The following TPRG1 variants were observed in gnomAD, a reference collection of about 807,000 sequenced individuals.
TPRG1 encodes the protein tumor protein p63 regulated 1, also known as tumor protein p63-regulated gene 1 protein.
TPRG1 carries 29 observed loss-of-function variants against 29.3 expected under a neutral mutation model. The ratio of observed to expected loss-of-function variants is 0.99; its 90% CI spans 0.74 to 1.35. The LOEUF (loss-of-function observed/expected upper bound fraction) is 1.35. Ranked by LOEUF, TPRG1 falls within the 40% of genes most tolerant of loss-of-function variation. The pLI is 0.00. For missense variants in TPRG1, 327 were observed against 335.0 expected, an observed-to-expected ratio of 0.98 and a Z score of 0.19; for synonymous variants, 130 against 116.8, an observed-to-expected ratio of 1.11 and a Z score of -0.73.
At chr3:189,028,808 T>C (rs1462515735) in intron 4 of TPRG1, among the ~76,000 whole-genome samples, 1 of 152,178 alleles carries the variant, frequency 6.6e-6, no homozygotes, top group Non-Finnish European at 1.5e-5. Flanking sequence ...GGTAGTAATG[T>C]ATTTCTACTG....
chr3:189,052,223 G>T (rs77169041), intron 4 of TPRG1, among the ~76,000 whole-genome samples: 1 of 151,978 alleles, frequency 6.6e-6, no homozygotes, highest in Non-Finnish European at 1.5e-5. Flanking sequence ...ATCCAGAACT[G>T]CAATGAACTC....
At chr3:189,080,348 A>G (rs1247316537) in intron 4 of TPRG1, among the ~76,000 whole-genome samples, 1 of 152,200 alleles carries the variant, frequency 6.6e-6, no homozygotes, top group Non-Finnish European at 1.5e-5. Context: ...TCCAGAGTTC[A>G]GAAGCTGGGA....
chr3:189,218,025 T>C (rs1736332957), intron 3 of TPRG1: 1 of 985,352 alleles, frequency 1.0e-6, no homozygotes, highest in African/African-American at 1.7e-5. Context: ...CAATTACTCC[T>C]GGCTTCTTGC....
At chr3:189,157,192 G>A (rs1726807904) in intron 5 of TPRG1, among the ~76,000 whole-genome samples, 1 of 152,164 alleles carries the variant, frequency 6.6e-6, no homozygotes, top group South Asian at 2.1e-4. Flanking sequence ...ATGCATCTTA[G>A]AGAGAAGCTT....
intron 4 of TPRG1, among the ~76,000 whole-genome samples, chr3:189,082,500 G>A (rs1215854239): frequency 6.6e-6 from 1 of 152,160 alleles, no homozygotes; most frequent in African/African-American, 2.4e-5. Context: ...CCCAACTCTT[G>A]AAGGCTATAG....
chr3:189,126,107 AAGTG>A (rs1451567769), intron 1 of TPRG1, among the ~76,000 whole-genome samples: 6 of 152,106 alleles, frequency 3.9e-5, no homozygotes, highest in African/African-American at 1.4e-4. Context: ...AAAATCCTGG[AAGTG>A]GGACTTTACT....
At chr3:189,295,828 T>G (rs1719822873) in intron 4 of TPRG1, among the ~76,000 whole-genome samples, 1 of 151,852 alleles carries the variant, frequency 6.6e-6, no homozygotes, top group African/African-American at 2.4e-5. Flanking sequence ...TAGAATTAAT[T>G]AGCCACATAG....
chr3:189,231,568 T>C (rs1738658765), intron 3 of TPRG1, among the ~76,000 whole-genome samples: 1 of 152,184 alleles, frequency 6.6e-6, no homozygotes, highest in Non-Finnish European at 1.5e-5. Context: ...CCGTATGTCA[T>C]ATCTCTTTCA....
chr3:189,313,736 T>A (rs982093152), intron 5 of TPRG1, among the ~76,000 whole-genome samples: 2 of 152,122 alleles, frequency 1.3e-5, no homozygotes, highest in Admixed American at 6.5e-5. Flanking sequence ...CCAACAGAAA[T>A]GAGACAAGGT....
At chr3:189,001,969 C>T (rs1051654211) in intron 2 of TPRG1, among the ~76,000 whole-genome samples, 5 of 152,356 alleles carry the variant, frequency 3.3e-5, no homozygotes, top group African/African-American at 1.2e-4. Flanking sequence ...GGAAGGCAGG[C>T]AAACTGCTTA....
At chr3:189,182,722 A>G (rs909480372) in intron 1 of TPRG1, among the ~76,000 whole-genome samples, 4 of 152,214 alleles carry the variant, frequency 2.6e-5, no homozygotes, top group Admixed American at 2.0e-4. Context: ...TGAATAATTA[A>G]CAATAGAAAG....
At chr3:189,026,303 C>A (rs531114393) in intron 4 of TPRG1, among the ~76,000 whole-genome samples, 1 of 152,232 alleles carries the variant, frequency 6.6e-6, no homozygotes, top group South Asian at 2.1e-4. Context: ...GCTCTGGTGT[C>A]TCTTCTTCTT....
intron 1 of TPRG1, among the ~76,000 whole-genome samples, chr3:189,118,608 A>G (rs770776538): frequency 2.6e-4 from 40 of 152,172 alleles, no homozygotes; most frequent in Non-Finnish European, 4.9e-4. Context: ...CAGCCTTGAA[A>G]CATGGTGCTC....
At chr3:189,269,546 G>C (rs1269790417) in intron 4 of TPRG1, among the ~76,000 whole-genome samples, 1 of 152,132 alleles carries the variant, frequency 6.6e-6, no homozygotes, top group Non-Finnish European at 1.5e-5. Context: ...CTCATCTGGA[G>C]GAATGGCATG....
chr3:189,094,877 C>T (rs967581470), intron 4 of TPRG1, among the ~76,000 whole-genome samples: 2 of 152,172 alleles, frequency 1.3e-5, no homozygotes, highest in African/African-American at 4.8e-5. Context: ...TTCCTCCTTG[C>T]TCTGGTCGAG....
chr3:189,215,083 C>T (rs1735860456), intron 2 of TPRG1, among the ~76,000 whole-genome samples: 1 of 151,868 alleles, frequency 6.6e-6, no homozygotes, highest in Non-Finnish European at 1.5e-5. Flanking sequence ...GAAGATGGGG[C>T]CTAGATCACT....
intron 1 of TPRG1, among the ~76,000 whole-genome samples, chr3:189,125,107 A>G (rs1722297149): frequency 6.6e-6 from 1 of 152,184 alleles, no homozygotes; most frequent in East Asian, 1.9e-4. Context: ...TTTCTAGGCA[A>G]CTACATAAAA....
At chr3:189,062,546 A>G (rs1443614153) in intron 4 of TPRG1, among the ~76,000 whole-genome samples, 3 of 152,138 alleles carry the variant, frequency 2.0e-5, no homozygotes, top group Admixed American at 6.6e-5. Flanking sequence ...CCTTCCCCTC[A>G]TGAGTTTTAT....
chr3:189,062,506 G>C (rs1356422621), intron 4 of TPRG1, among the ~76,000 whole-genome samples: 1 of 152,056 alleles, frequency 6.6e-6, no homozygotes. Flanking sequence ...CAAAAAAATA[G>C]CAGAAATATG....
Sources: allele counts gnomAD v4.1 joint callset (sites outside exome capture counted in the v4.1 genomes callset), GRCh38; gene constraint gnomAD v4.1.1; transcripts MANE v1.5; gene names NCBI Gene and HGNC (gene_info 2026-07-23, HGNC 2026-07-21).